PLCL1: variants seen among roughly 807,000 people sequenced by gnomAD.
PLCL1 encodes the protein inactive phospholipase C-like protein 1.
In PLCL1, 41 loss-of-function variants were observed where a neutral mutation model predicts 84.4. That is an observed-to-expected ratio of 0.49 (90% CI 0.38 to 0.63). The LOEUF (loss-of-function observed/expected upper bound fraction) is 0.63, where lower values mean the gene tolerates loss of function less well. Ranked by LOEUF, PLCL1 falls within the 30% of genes least tolerant of loss-of-function variation. PLCL1 has a pLI of 0.00. For missense variants in PLCL1, 1,206 were observed against 1,367.8 expected, an observed-to-expected ratio of 0.88 and a Z score of 1.87; for synonymous variants, 490 against 488.3, an observed-to-expected ratio of 1.00 and a Z score of -0.05.
intron 1 of PLCL1, among the ~76,000 whole-genome samples, chr2:198,068,895 C>T (rs1046678370): frequency 1.3e-5 from 2 of 151,878 alleles, no homozygotes; most frequent in African/African-American, 2.4e-5. Context: ...TGGTGGCAGG[C>T]GCAGTGGCAG....
At chr2:197,818,950 G>C (rs1690748699) in intron 1 of PLCL1, among the ~76,000 whole-genome samples, 1 of 152,088 alleles carries the variant, frequency 6.6e-6, no homozygotes, top group Admixed American at 6.6e-5. Flanking sequence ...GGTGAGGGAT[G>C]GGAGGGAAAA....
chr2:197,994,248 G>A (rs532027132), intron 1 of PLCL1, among the ~76,000 whole-genome samples: 1 of 152,278 alleles, frequency 6.6e-6, no homozygotes, highest in East Asian at 1.9e-4. Flanking sequence ...GTAGAGATGA[G>A]GAGAAGGGTA....
intron 1 of PLCL1, among the ~76,000 whole-genome samples, chr2:197,983,190 CTTTTCTTTTCTTTTTTTT>C (rs1690149150): frequency 1.5e-5 from 1 of 66,070 alleles, no homozygotes; most frequent in Non-Finnish European, 3.3e-5. Context: ...TTTTCTTTTT[CTTTTCTTTTCTTTTTTTT>C]TTTTTTTTTT....
At chr2:197,968,030 A>T (rs556147589) in intron 1 of PLCL1, among the ~76,000 whole-genome samples, 1 of 152,296 alleles carries the variant, frequency 6.6e-6, no homozygotes, top group African/African-American at 2.4e-5. Context: ...CATAGCCATT[A>T]TTGAGCTTAA....
At chr2:197,986,868 A>T (rs1351480344) in intron 1 of PLCL1, among the ~76,000 whole-genome samples, 2 of 152,186 alleles carry the variant, frequency 1.3e-5, no homozygotes, top group Non-Finnish European at 2.9e-5. Flanking sequence ...ACACAATTTT[A>T]TTCAAATAAC....
intron 1 of PLCL1, among the ~76,000 whole-genome samples, chr2:197,852,185 T>A (rs1218653865): frequency 6.6e-6 from 1 of 151,868 alleles, no homozygotes; most frequent in African/African-American, 2.4e-5. Flanking sequence ...CAAGGCAACG[T>A]GCCTTTCAAT....
intron 1 of PLCL1, among the ~76,000 whole-genome samples, chr2:197,845,984 G>A (rs866822293): frequency 1.3e-5 from 2 of 152,008 alleles, no homozygotes; most frequent in African/African-American, 4.8e-5. Context: ...TTGAAATTAG[G>A]GTCCACAGAC....
At chr2:198,093,293 T>G (rs899476749) in intron 3 of PLCL1, among the ~76,000 whole-genome samples, 4 of 152,188 alleles carry the variant, frequency 2.6e-5, no homozygotes, top group Admixed American at 2.6e-4. Context: ...ACTATGGACT[T>G]TAGCTAATAA....
intron 1 of PLCL1, among the ~76,000 whole-genome samples, chr2:197,911,842 C>G (rs1425408887): frequency 6.6e-6 from 1 of 152,180 alleles, no homozygotes; most frequent in African/African-American, 2.4e-5. Flanking sequence ...TTATGCTGCC[C>G]TTGAGTCCCT....
chr2:197,897,151 TTC>T (rs1559038498), intron 1 of PLCL1, among the ~76,000 whole-genome samples: 7 of 32,064 alleles, frequency 2.2e-4, no homozygotes, highest in South Asian at 2.5e-3. Context: ...CTTCTTCTTC[TTC>T]TTCTTCTTCT....
chr2:197,994,403 TC>T (rs1405550080), intron 1 of PLCL1, among the ~76,000 whole-genome samples: 2 of 152,186 alleles, frequency 1.3e-5, no homozygotes, highest in African/African-American at 4.8e-5. Flanking sequence ...GCAGTCCATA[TC>T]CCTAAAAGTT....
At chr2:198,072,800 C>T (rs1359712083) in intron 1 of PLCL1, among the ~76,000 whole-genome samples, 1 of 152,194 alleles carries the variant, frequency 6.6e-6, no homozygotes, top group Admixed American at 6.5e-5. Context: ...CATGTTGACT[C>T]ATTCCTACAT....
At chr2:197,929,007 T>A (rs891954606) in intron 1 of PLCL1, among the ~76,000 whole-genome samples, 3 of 152,216 alleles carry the variant, frequency 2.0e-5, no homozygotes, top group African/African-American at 7.2e-5. Flanking sequence ...TTTTCTATAA[T>A]GAAAACATTT....
chr2:197,909,171 T>C (rs1004275919), intron 1 of PLCL1, among the ~76,000 whole-genome samples: 1 of 152,208 alleles, frequency 6.6e-6, no homozygotes, highest in Non-Finnish European at 1.5e-5. Context: ...ATTTGTTGTT[T>C]AGATCATGAT....
chr2:197,810,286 T>C (rs1435960025), intron 1 of PLCL1: 10 of 1,274,516 alleles, frequency 7.8e-6, no homozygotes, highest in Non-Finnish European at 8.2e-6. Flanking sequence ...TGTGATTTCT[T>C]ATAGCACCTC....
intron 1 of PLCL1, among the ~76,000 whole-genome samples, chr2:197,920,503 G>C (rs1344456252): frequency 6.6e-6 from 1 of 152,096 alleles, no homozygotes; most frequent in Non-Finnish European, 1.5e-5. Context: ...CCAAATGGCT[G>C]CTTCATTTTA....
chr2:198,006,983 C>T (rs1389150281), intron 1 of PLCL1, among the ~76,000 whole-genome samples: 1 of 151,930 alleles, frequency 6.6e-6, no homozygotes, highest in Non-Finnish European at 1.5e-5. Flanking sequence ...GTGTAGATAC[C>T]ATGAAATAGA....
At chr2:198,101,946 A>C (rs544699980) in intron 4 of PLCL1, among the ~76,000 whole-genome samples, 3 of 152,184 alleles carry the variant, frequency 2.0e-5, no homozygotes, top group Admixed American at 2.0e-4. Flanking sequence ...GAAGATGACA[A>C]TAGTAGCAAC....
chr2:198,085,427 A>G lies in PLCL1; in HGVS notation c.1910A>G (p.Lys637Arg). ...GAGGATTTTGTTAATTATAATAAGAAGTTCTTATCAAGAATCTATCCAAGT... is the reference window on the plus strand; with the variant it reads ...GAGGATTTTGTTAATTATAATAAGAGGTTCTTATCAAGAATCTATCCAAGT... The part of the protein sequence containing the change: ...YPEDFVNYNK[K>R]FLSRIYPSAM... The change falls in exon 2 of 6, where the codon AAG becomes AGG. Residue 637 changes from lysine (K) to arginine (R), a missense_variant. By Grantham distance (26) the Lys-to-Arg change is conservative (BLOSUM62 2). Coordinates refer to ENST00000428675, the MANE Select transcript of PLCL1 (RefSeq NM_006226.4). The surrounding 1 kb of genome is among the most constrained non-coding windows in gnomAD (Gnocchi z 5.3). The G allele has an allele frequency of 6.2e-7, 1 of 1,612,942 alleles. No individual in the cohort carries two copies. The highest frequency in any genetic ancestry group is 8.5e-7 in the Non-Finnish European group (1 of 1,179,058).
Sources: gnomAD v4.1 joint callset for allele counts (sites outside exome capture counted in the v4.1 genomes callset) on GRCh38, gnomAD v4.1.1 for gene constraint, Gnocchi (gnomAD v3.1) non-coding constraint, MANE v1.5 for transcripts, NCBI Gene and HGNC (gene_info 2026-07-23, HGNC 2026-07-21) for gene names.